RDH10: variants seen among roughly 807,000 people sequenced by gnomAD.
RDH10 encodes retinol dehydrogenase 10, also known as retinol dehydrogenase 10 (all-trans).
RDH10 carries 12 observed loss-of-function variants against 30.2 expected under a neutral mutation model. The observed-to-expected ratio is 0.40, with a 90% CI of 0.25 to 0.64. The LOEUF (loss-of-function observed/expected upper bound fraction) is 0.64. Among genes scored for constraint, RDH10 ranks in the 30% least tolerant of loss-of-function variants. RDH10 has a pLI of 0.43. For synonymous variants in RDH10, 189 were observed against 172.2 expected (o/e 1.10, Z -0.76); for missense variants, 268 against 445.2 (o/e 0.60, Z 3.58).
rs1563545292 is a variant in RDH10, at chr8:73,295,275, G to T, written c.-15G>T. 6.5e-7 allele frequency: 1 copy of T among 1,549,576 alleles called. No homozygotes were observed. The highest frequency in any genetic ancestry group is 1.9e-5 in the Admixed American group (1 of 51,968). Reference sequence around the variant, plus strand: ...GACGCAGGCACTGGGCTCGTGCGGGGCCCCGGGCGTCGCGATGAACATCGT... The same window carrying T: ...GACGCAGGCACTGGGCTCGTGCGGGTCCCCGGGCGTCGCGATGAACATCGT... On this transcript the variant is annotated 5_prime_UTR_variant, in exon 1 of 6. Transcript: ENST00000240285.
chr8:73,324,955 C>T lies in RDH10; in HGVS notation c.*1919C>T, dbSNP rs901056281. ...TCAAAGATAACCAAACCTTATGGCC[C>T]TTATAACAATGGAGGCACTGGCTGC... On this transcript the variant is annotated 3_prime_UTR_variant, in exon 6 of 6. Coordinates refer to ENST00000240285, the MANE Select transcript of RDH10 (RefSeq NM_172037.5). 2 of 152,116 alleles carry T rather than the reference C, an allele frequency of 1.3e-5. No individual in the cohort carries two copies. The highest frequency in any genetic ancestry group is 2.9e-5 in the Non-Finnish European group (2 of 68,016). The allele number at this position is 152,116 out of a possible 1,614,324, so 9.4% of individuals were successfully genotyped here. A position where few individuals can be genotyped will look rare whatever the true frequency, so the allele number is the denominator to read the frequency against.
intron 2 of RDH10, among the ~76,000 whole-genome samples, chr8:73,302,606 G>A (rs1483088639): frequency 6.6e-6 from 1 of 152,162 alleles, no homozygotes; most frequent in Non-Finnish European, 1.5e-5. Context: ...GCTGGCTTGA[G>A]CCCAGGGGTT....
At chr8:73,304,778 C>T (rs910336642) in intron 2 of RDH10, among the ~76,000 whole-genome samples, 1 of 152,138 alleles carries the variant, frequency 6.6e-6, no homozygotes, top group South Asian at 2.1e-4. Flanking sequence ...GAAAAAAATC[C>T]GTCACTATTC....
chr8:73,317,788 C>T (rs1052679299), intron 2 of RDH10, among the ~76,000 whole-genome samples: 17 of 151,954 alleles, frequency 1.1e-4, no homozygotes, highest in Non-Finnish European at 1.6e-4. Context: ...GGCATGGTGA[C>T]GTGCGCCTGT....
chr8:73,314,421 T>A (rs1814624815), intron 2 of RDH10, among the ~76,000 whole-genome samples: 1 of 152,226 alleles, frequency 6.6e-6, no homozygotes, highest in Non-Finnish European at 1.5e-5. Flanking sequence ...GTTTATTTAA[T>A]AATGCGCCCC....
chr8:73,301,603 C>T (rs567638320), intron 2 of RDH10, among the ~76,000 whole-genome samples: 10 of 35,460 alleles, frequency 2.8e-4, no homozygotes, highest in Admixed American at 2.7e-4. Context: ...ACTAAAAATA[C>T]AAAAAAAGTA....
chr8:73,295,425 A>G lies in RDH10; in HGVS notation c.136A>G (p.Ser46Gly). 6.5e-7 allele frequency: 1 copy of G among 1,547,992 alleles called. No homozygotes were observed. The highest frequency in any genetic ancestry group is 8.7e-7 in the Non-Finnish European group (1 of 1,147,752). The change falls in exon 1 of 6, where the codon AGC becomes GGC. Residue 46 changes from serine to glycine, a missense_variant. Ser to Gly is a moderately conservative substitution (Grantham distance 56). Transcript: ENST00000240285. The stretch of plus-strand genomic sequence containing the variant: ...GGTGTGCCTCATCACCGGCGCCGGC[A>G]GCGGCCTGGGCCGCCTCTTCGCGCT... ...GQVCLITGAG[S>G]GLGRLFALEF...
chr8:73,296,364 C>A (rs76333242), intron 1 of RDH10, among the ~76,000 whole-genome samples: 1 of 151,710 alleles, frequency 6.6e-6, no homozygotes, highest in African/African-American at 2.4e-5. Flanking sequence ...TTTACCTGTA[C>A]GGAGAAAATT....
intron 2 of RDH10, among the ~76,000 whole-genome samples, chr8:73,305,253 G>C (rs1276922154): frequency 6.6e-6 from 1 of 152,166 alleles, no homozygotes; most frequent in Non-Finnish European, 1.5e-5. Flanking sequence ...CTCTGATCAT[G>C]CTTCAGATTT....
chr8:73,295,517 G>T lies in RDH10; in HGVS notation c.228G>T (p.Thr76=), dbSNP rs1814245110. The T allele has an allele frequency of 3.2e-6, 5 of 1,555,844 alleles. No homozygotes were observed. In the Admixed American group the frequency reaches 9.6e-5, roughly 30 times the overall value. ...WDINTQSNEE[T]AGMVRHIYRD... is the part of the protein sequence containing the mutation. ...TCAACACGCAAAGCAACGAGGAGAC[G>T]GCTGGCATGGTGCGCCACATCTACC... is the stretch of plus-strand genomic sequence containing the variant. The change falls in exon 1 of 6, where the codon ACG becomes ACT. Residue 76 remains threonine (T), a synonymous_variant. Transcript: ENST00000240285.
chr8:73,311,108 C>T (rs970051471), intron 2 of RDH10: 4 of 152,006 alleles, frequency 2.6e-5, no homozygotes, highest in East Asian at 1.9e-4. Context: ...CCTCAGTATT[C>T]GGGGTGTGTG....
At chr8:73,316,903 C>G (rs1445500519) in intron 2 of RDH10, among the ~76,000 whole-genome samples, 1 of 152,126 alleles carries the variant, frequency 6.6e-6, no homozygotes, top group African/African-American at 2.4e-5. Flanking sequence ...GGTGCTGAAC[C>G]ATACATGAAA....
rs1389110795 is a variant in RDH10, at chr8:73,319,444, G to A, written c.624+250G>A. On this transcript the variant is annotated intron_variant, in intron 3 of 5. Transcript: ENST00000240285. ...AGAGGCTGAGGTGGGAGAATCGTGCGAGCCCAGGTGTTCAAGACTGCAGTG... is the reference window on the plus strand; with the variant it reads ...AGAGGCTGAGGTGGGAGAATCGTGCAAGCCCAGGTGTTCAAGACTGCAGTG... Among the ~76,000 whole-genome samples, 49 of 152,190 alleles carry A rather than the reference G, an allele frequency of 3.2e-4. 1 individual carries two copies. The highest frequency in any genetic ancestry group is 3.1e-3 in the Admixed American group (48 of 15,284).
At chr8:73,319,311 T>C (rs1586196382) in intron 3 of RDH10, 117 bp downstream of exon 3, 1 of 684,482 alleles carries the variant, frequency 1.5e-6, no homozygotes, top group African/African-American at 1.8e-5. Flanking sequence ...ACGAAGGCAC[T>C]CTGCATGTGT....
Position 73,295,463 on chromosome 8 carries a change from G to A in RDH10, c.174G>A (p.Arg58=). Residue 58 remains arginine, a synonymous_variant, in exon 1 of 6, where the codon CGG becomes CGA. Transcript: ENST00000240285. ...GCCTCTTCGCGCTGGAGTTCGCCCG[G>A]CGTCGGGCGCTGCTGGTGCTGTGGG... ...LGRLFALEFA[R]RRALLVLWDI... 1 of 1,551,500 alleles carries A rather than the reference G, an allele frequency of 6.4e-7. No individual in the cohort carries two copies. The highest frequency in any genetic ancestry group is 8.7e-7 in the Non-Finnish European group (1 of 1,148,852).
rs771894802 is a variant in RDH10, at chr8:73,297,212, A to C, written c.308A>C (p.Glu103Ala). 1 of 1,611,948 alleles carries C rather than the reference A, an allele frequency of 6.2e-7. No homozygotes were observed. The highest frequency in any genetic ancestry group is 8.5e-7 in the Non-Finnish European group (1 of 1,177,952). Residue 103 changes from glutamate (E) to alanine (A), a missense_variant, in exon 2 of 6, where the codon GAA becomes GCA. Glu to Ala is a moderately radical substitution (Grantham distance 107). Around this residue, in one of 4 missense-constraint regions of RDH10, gnomAD observed 46 missense variants for 36.7 expected, o/e 1.25. Transcript: ENST00000240285. ...AGGACAGCTGGGAATGGTGAGGAAG[A>C]AATTCTGCCCCACTGTAACTTGCAG... ...AALQAGNGEE[E>A]ILPHCNLQVF...
At chr8:73,320,776 A>G (rs1814757432) in intron 3 of RDH10, among the ~76,000 whole-genome samples, 156 bp from the exon 4 acceptor site, 3 of 152,150 alleles carry the variant, frequency 2.0e-5, no homozygotes, top group Admixed American at 6.5e-5. Flanking sequence ...CCAGCCAGGT[A>G]TCTGTCTTTT....
At chr8:73,320,848 G>GGTAATAGGACCA (rs1415351714) in intron 3 of RDH10, 84 bp from the exon 4 acceptor site, 4 of 1,330,432 alleles carry the variant, frequency 3.0e-6, no homozygotes, top group Non-Finnish European at 4.2e-6. Context: ...ATCTAAACAT[G>GGTAATAGGACCA]GTAATAGGAC....
intron 2 of RDH10, among the ~76,000 whole-genome samples, chr8:73,315,132 T>C (rs1326379375): frequency 3.1e-4 from 34 of 110,948 alleles, no homozygotes; most frequent in Non-Finnish European, 4.4e-4. Context: ...TCCCTTCCTC[T>C]CCCCACCGGC....
Sources: gnomAD v4.1 joint callset for allele counts (sites outside exome capture counted in the v4.1 genomes callset) on GRCh38, gnomAD v4.1.1 for gene constraint, gnomAD v4.1.1 regional missense constraint, MANE v1.5 for transcripts, NCBI Gene and HGNC (gene_info 2026-07-23, HGNC 2026-07-21) for gene names.